FAM167A: variants seen among roughly 807,000 people sequenced by gnomAD.
FAM167A encodes protein FAM167A.
A neutral mutation model predicts 14.9 loss-of-function variants in FAM167A; 23 were observed. The observed-to-expected ratio is 1.55, with a 90% CI of 1.11 to 2.19. The LOEUF (loss-of-function observed/expected upper bound fraction) is 2.19. FAM167A is among the 30% of genes most tolerant of loss of function. The probability of loss-of-function intolerance (pLI) is 0.00; values close to 1 mark genes in which losing one functional copy is unlikely to be tolerated. For missense variants in FAM167A, 401 were observed against 281.5 expected, an observed-to-expected ratio of 1.42 and a Z score of -3.04; for synonymous variants, 174 against 117.7, an observed-to-expected ratio of 1.48 and a Z score of -3.10.
In FAM167A at chr8:11,422,690, T is replaced by C. The variant is rs575875571; in HGVS notation, c.*1683A>G. ...ATCATTCATTTGCATTGTCCTACTC[T>C]CAGCCCACAAAAGAAAAGCAACCTC... On this transcript the variant is annotated 3_prime_UTR_variant, in exon 3 of 3. Coordinates refer to ENST00000284486, the MANE Select transcript of FAM167A (RefSeq NM_053279.3). 28 of 152,346 alleles carry C rather than the reference T, an allele frequency of 1.8e-4. 1 individual carries two copies. Among genetic ancestry groups the C allele is most frequent in the Admixed American group, 1.7e-3 (26 of 15,308 alleles). 9.4% of individuals were successfully genotyped at this position (152,346 alleles called of 1,614,324 possible).
chr8:11,444,088 G>T lies in FAM167A; in HGVS notation c.324C>A (p.Gly108=), dbSNP rs1290145017. ...ASQGARPLST[G]KLEGFQSIDE... is the part of the protein sequence containing the mutation. ...CGATGCTCTGAAAGCCTTCCAGCTT[G>T]CCAGTGGACAGGGGTCTGGCACCTT... Residue 108 remains glycine (G), a synonymous_variant, in exon 2 of 3, where the codon GGC becomes GGA. Coordinates refer to ENST00000284486, the MANE Select transcript of FAM167A (RefSeq NM_053279.3). 1 of 1,613,476 alleles carries T rather than the reference G, an allele frequency of 6.2e-7. No homozygotes were observed. The highest frequency in any genetic ancestry group is 1.3e-5 in the African/African-American group (1 of 74,952).
chr8:11,469,881 A>AAAAT (rs140444831), upstream of FAM167A, among the ~76,000 whole-genome samples: 12,464 of 122,364 alleles, frequency 0.1, 760 homozygotes, highest in African/African-American at 0.2. Context: ...CCCTGTCTCA[A>AAAAT]AAATAAATAA....
intron 2 of FAM167A, among the ~76,000 whole-genome samples, chr8:11,434,353 G>A (rs1330110276): frequency 6.6e-6 from 1 of 152,188 alleles, no homozygotes; most frequent in East Asian, 1.9e-4. Context: ...GACTGTGGAT[G>A]GGAGGGGGGC....
intron 1 of FAM167A, among the ~76,000 whole-genome samples, chr8:11,461,902 G>A (rs947897906): frequency 2.0e-5 from 3 of 152,218 alleles, no homozygotes; most frequent in Admixed American, 6.5e-5. Flanking sequence ...GCACCTCCAC[G>A]TTCGGGCTGG....
At chr8:11,426,376 T>C (rs1236342780) in intron 2 of FAM167A, among the ~76,000 whole-genome samples, 2 of 152,196 alleles carry the variant, frequency 1.3e-5, no homozygotes, top group East Asian at 3.8e-4. Context: ...CATGAGACTG[T>C]TCCCTGGCCC....
rs1319916171 is a variant in FAM167A, at chr8:11,444,809, C to G, written c.-397-1G>C. 3.0e-6 allele frequency: 3 copies of G among 1,004,080 alleles called. No individual in the cohort carries two copies. In the African/African-American group the frequency reaches 5.2e-5, roughly 17 times the overall value. The allele number at this position is 1,004,080 out of a possible 1,614,324, so 62.2% of individuals were successfully genotyped here. On this transcript the variant is annotated splice_acceptor_variant, in intron 1 of 2. Coordinates refer to ENST00000284486, the MANE Select transcript of FAM167A (RefSeq NM_053279.3). LOFTEE classifies it low-confidence loss of function (5UTR_SPLICE). ...CGGGAAGGGCAGGTGGCTGGAGACC[C>G]TGTGGGAGGGATGAGAACCGCATCA...
chr8:11,461,895 C>A (rs1243259598), intron 1 of FAM167A, among the ~76,000 whole-genome samples: 1 of 152,236 alleles, frequency 6.6e-6, no homozygotes, highest in African/African-American at 2.4e-5. Flanking sequence ...CAACTGGGCA[C>A]CTCCACGTTC....
rs908998254 is a variant in FAM167A, at chr8:11,421,905, C to G, written c.*2468G>C. Reference sequence around the variant, plus strand: ...CACAGAGAGCAGGGACTTCACAAAGCTGAATTAATGTGGTTAGTTGTGTTC... The same window carrying G: ...CACAGAGAGCAGGGACTTCACAAAGGTGAATTAATGTGGTTAGTTGTGTTC... On this transcript the variant is annotated 3_prime_UTR_variant, in exon 3 of 3. Coordinates refer to ENST00000284486, the MANE Select transcript of FAM167A (RefSeq NM_053279.3). 1 of 398,376 alleles carries G rather than the reference C, an allele frequency of 2.5e-6. No homozygotes were observed. Among genetic ancestry groups the G allele is most frequent in the Non-Finnish European group, 4.4e-6 (1 of 226,050 alleles). 24.7% of individuals were successfully genotyped at this position (398,376 alleles called of 1,614,324 possible). A position where few individuals can be genotyped will look rare whatever the true frequency, so the allele number is the denominator to read the frequency against.
At chr8:11,472,242 T>C (rs960376453), upstream of FAM167A, among the ~76,000 whole-genome samples, 3 of 152,094 alleles carry the variant, frequency 2.0e-5, no homozygotes, top group Non-Finnish European at 2.9e-5. Context: ...TCACCTCCCG[T>C]ATCCTGCCCC....
chr8:11,436,527 G>C (rs1585244772), intron 2 of FAM167A, among the ~76,000 whole-genome samples: 1 of 152,182 alleles, frequency 6.6e-6, no homozygotes, highest in Non-Finnish European at 1.5e-5. Context: ...AGGGAGAGAA[G>C]ACACCCCCTA....
intron 1 of FAM167A, chr8:11,474,555 C>G (rs1413607866): frequency 1.3e-5 from 2 of 152,206 alleles, no homozygotes; most frequent in Admixed American, 6.5e-5. Context: ...ACAGACAGAA[C>G]TAGAGGCAGA....
chr8:11,429,432 C>T (rs1449482063), intron 2 of FAM167A, among the ~76,000 whole-genome samples: 1 of 152,218 alleles, frequency 6.6e-6, no homozygotes, highest in East Asian at 1.9e-4. Context: ...GGAGTGCCTC[C>T]TCCTGTTTTC....
At chr8:11,453,098 G>T (rs1032560511) in intron 1 of FAM167A, among the ~76,000 whole-genome samples, 4 of 152,158 alleles carry the variant, frequency 2.6e-5, no homozygotes, top group African/African-American at 9.7e-5. Context: ...CCCTCCTCCA[G>T]GCTTCCTCTC....
At chr8:11,471,720 G>A (rs1325856473), upstream of FAM167A, among the ~76,000 whole-genome samples, 2 of 152,242 alleles carry the variant, frequency 1.3e-5, no homozygotes, top group Non-Finnish European at 2.9e-5. Flanking sequence ...CAGGCAAGAT[G>A]GCCGGGGGTC....
At chr8:11,430,040 A>T (rs1044313522) in intron 2 of FAM167A, among the ~76,000 whole-genome samples, 2 of 152,200 alleles carry the variant, frequency 1.3e-5, no homozygotes, top group African/African-American at 4.8e-5. Flanking sequence ...GCCCTCATTA[A>T]AAGCCTGAAA....
intron 2 of FAM167A, chr8:11,438,644 T>C (rs985716876): frequency 1.2e-5 from 5 of 402,368 alleles, no homozygotes; most frequent in Non-Finnish European, 1.9e-5. Context: ...ATAAAGATCA[T>C]CAAGTTTTGG....
At chr8:11,451,312 G>A (rs920441343) in intron 1 of FAM167A, among the ~76,000 whole-genome samples, 7 of 152,198 alleles carry the variant, frequency 4.6e-5, no homozygotes, top group African/African-American at 9.6e-5. Context: ...CTGGGGGCCC[G>A]CAGCTGGGCC....
intron 2 of FAM167A, among the ~76,000 whole-genome samples, chr8:11,436,084 C>T (rs1386535984): frequency 6.6e-6 from 1 of 152,220 alleles, no homozygotes; most frequent in Non-Finnish European, 1.5e-5. Flanking sequence ...ACTGAGCGCT[C>T]CCTTATCGCT....
At position 11,424,397 on chromosome 8, in the gene FAM167A, G is replaced by A. The variant is rs1483200511; in HGVS notation, c.621C>T (p.Asn207=). ...KLIGVTKMNI[N]SRRFSLC Reference sequence around the variant, plus strand: ...CTCAGCAGAGAGAGAACCTCCGAGAGTTGATGTTCATCTTGGTCACGCCAA... The same window carrying A: ...CTCAGCAGAGAGAGAACCTCCGAGAATTGATGTTCATCTTGGTCACGCCAA... Residue 207 remains asparagine, a synonymous_variant, in exon 3 of 3, where the codon AAC becomes AAT. Transcript: ENST00000284486. 2 of 1,614,122 alleles carry A rather than the reference G, an allele frequency of 1.2e-6. No homozygotes were observed. Among genetic ancestry groups the A allele is most frequent in the Non-Finnish European group, 1.7e-6 (2 of 1,180,022 alleles).
Sources: allele counts gnomAD v4.1 joint callset (sites outside exome capture counted in the v4.1 genomes callset), GRCh38; gene constraint gnomAD v4.1.1; transcripts MANE v1.5; gene names NCBI Gene and HGNC (gene_info 2026-07-23, HGNC 2026-07-21).